Variants in MBD2 observed in about 807,000 individuals in gnomAD.
MBD2 encodes the protein methyl-CpG-binding domain protein 2.
A neutral mutation model predicts 39.3 loss-of-function variants in MBD2; 9 were observed. That is an observed-to-expected ratio of 0.23 (90% CI 0.14 to 0.40). The LOEUF (loss-of-function observed/expected upper bound fraction) is 0.40, where lower values mean the gene tolerates loss of function less well. Among genes scored for constraint, MBD2 ranks in the 10% least tolerant of loss-of-function variants. MBD2 has a pLI of 1.00. For synonymous variants in MBD2, 233 were observed against 211.1 expected (o/e 1.10, Z -0.90); for missense variants, 458 against 532.6 (o/e 0.86, Z 1.38).
chr18:54,159,860 C>G lies in MBD2; in HGVS notation c.1153G>C (p.Glu385Gln). 6.2e-7 allele frequency: 1 copy of G among 1,612,902 alleles called. No homozygotes were observed. Residue 385 changes from glutamate to glutamine, a missense_variant, in exon 6 of 7, where the codon GAA (glutamate) becomes CAA (glutamine). Glu to Gln is a conservative substitution (Grantham distance 29). This residue lies in a region of MBD2 where 189 missense variants were observed against 296.6 expected (regional missense o/e 0.64). Coordinates refer to ENST00000256429, the MANE Select transcript of MBD2 (RefSeq NM_003927.5). Reference protein sequence around the residue: ...RVQQVRKKLEEALMADILSRA... With the variant: ...RVQQVRKKLEQALMADILSRA... ...GACAAGATGTCTGCCATCAGTGCTT[C>G]TTCCAATTTCTTGCGTACTTGCTGT...
intron 2 of MBD2, among the ~76,000 whole-genome samples, chr18:54,200,456 GA>G (rs1328790571): frequency 6.6e-6 from 1 of 152,174 alleles, no homozygotes; most frequent in African/African-American, 2.4e-5. Context: ...CAAGCTGCAT[GA>G]AGTCCCCTAA....
rs975508829 is a variant in MBD2 at position 54,223,793 on chromosome 18, GC to G, written c.542+224del. On this transcript the variant is annotated intron_variant, in intron 1 of 6. Coordinates refer to ENST00000256429, the MANE Select transcript of MBD2 (RefSeq NM_003927.5). The stretch of plus-strand genomic sequence containing the variant: ...TTCTTCGCAAACCATCTTCCCCGAC[GC>G]CTTCCACATAAGATGCCCTCCTGCG... Among the ~76,000 whole-genome samples the G allele has an allele frequency of 3.1e-4, 47 of 152,094 alleles. 1 individual carries two copies. Among genetic ancestry groups the G allele is most frequent in the African/African-American group, 1.1e-3 (46 of 41,488 alleles).
intron 3 of MBD2, among the ~76,000 whole-genome samples, chr18:54,177,523 C>G (rs1267417081): frequency 6.6e-6 from 1 of 152,098 alleles, no homozygotes; most frequent in Non-Finnish European, 1.5e-5. Context: ...CTCTGTCGCC[C>G]TGGCTGGAGT....
At chr18:54,189,725 C>G (rs944532412) in intron 2 of MBD2, among the ~76,000 whole-genome samples, 13 of 152,200 alleles carry the variant, frequency 8.5e-5, no homozygotes, top group East Asian at 5.8e-4. Context: ...TCATGGCTCA[C>G]GGCAGCCTTG....
At chr18:54,207,836 G>A (rs1344718553) in intron 1 of MBD2, among the ~76,000 whole-genome samples, 1 of 151,998 alleles carries the variant, frequency 6.6e-6, no homozygotes, top group African/African-American at 2.4e-5. Flanking sequence ...AGAAGATCGA[G>A]ACCATCCTGG....
intron 1 of MBD2, among the ~76,000 whole-genome samples, chr18:54,208,458 C>T (rs1190674197): frequency 6.6e-6 from 1 of 152,242 alleles, no homozygotes; most frequent in Non-Finnish European, 1.5e-5. Context: ...CGCCACTACA[C>T]TCCAGCCTGG....
intron 3 of MBD2, among the ~76,000 whole-genome samples, chr18:54,175,545 ACTT>A (rs1437474174): frequency 2.0e-5 from 3 of 151,850 alleles, no homozygotes; most frequent in Admixed American, 6.6e-5. Context: ...CTCCCCTGGG[ACTT>A]CTTCTTTTAA....
intron 1 of MBD2, among the ~76,000 whole-genome samples, chr18:54,211,388 T>TACAC (rs113321648): frequency 0.22 from 32,617 of 148,032 alleles, 3,773 homozygotes; most frequent in East Asian, 0.32. Context: ...ATTATTGCTA[T>TACAC]ACACACACAC....
chr18:54,203,539 C>T (rs1225765933), intron 2 of MBD2, among the ~76,000 whole-genome samples: 1 of 152,240 alleles, frequency 6.6e-6, no homozygotes, highest in African/African-American at 2.4e-5. Flanking sequence ...TTAGCCTTCT[C>T]TTTCATTCTG....
At chr18:54,171,414 C>T (rs629824) in intron 3 of MBD2, among the ~76,000 whole-genome samples, 58,204 of 148,752 alleles carry the variant, frequency 0.39, 11,533 homozygotes, top group East Asian at 0.57. Flanking sequence ...AAAGCATGCA[C>T]GTAGTGGGGG....
At chr18:54,215,857 A>T (rs1274456566) in intron 1 of MBD2, among the ~76,000 whole-genome samples, 7 of 149,232 alleles carry the variant, frequency 4.7e-5, no homozygotes, top group Non-Finnish European at 8.9e-5. Context: ...GATGGAGTGC[A>T]ATGGTGCAAT....
chr18:54,212,889 G>T (rs1040968247), intron 1 of MBD2, among the ~76,000 whole-genome samples: 1 of 151,488 alleles, frequency 6.6e-6, no homozygotes, highest in Non-Finnish European at 1.5e-5. Context: ...AAAATTAGCC[G>T]AGCATGGTGG....
intron 2 of MBD2, among the ~76,000 whole-genome samples, chr18:54,190,836 A>G (rs1282468059): frequency 6.6e-6 from 1 of 152,196 alleles, no homozygotes; most frequent in Non-Finnish European, 1.5e-5. Context: ...GTAAAGCCAT[A>G]TAACTTATTT....
chr18:54,164,922 A>G (rs542638757), intron 4 of MBD2, among the ~76,000 whole-genome samples: 16 of 152,342 alleles, frequency 1.1e-4, no homozygotes, highest in African/African-American at 3.8e-4. Flanking sequence ...ATTTTTTCTT[A>G]CTTTAAAAAA....
intron 1 of MBD2, among the ~76,000 whole-genome samples, chr18:54,208,646 A>G (rs2086473379): frequency 6.6e-6 from 1 of 152,248 alleles, no homozygotes; most frequent in Non-Finnish European, 1.5e-5. Context: ...CAAAAAGATA[A>G]GCATACTGTT....
intron 2 of MBD2, among the ~76,000 whole-genome samples, chr18:54,196,118 G>GT (rs2086364496): frequency 6.6e-6 from 1 of 152,100 alleles, no homozygotes; most frequent in South Asian, 2.1e-4. Context: ...GTGGTTTCTA[G>GT]TATATTCACT....
intron 3 of MBD2, among the ~76,000 whole-genome samples, chr18:54,172,144 C>T (rs2086183270): frequency 6.6e-6 from 1 of 152,186 alleles, no homozygotes; most frequent in Admixed American, 6.5e-5. Flanking sequence ...CTGATGCTGC[C>T]TCTTCCTTAG....
chr18:54,206,503 A>C (rs1287982656), intron 1 of MBD2, among the ~76,000 whole-genome samples: 1 of 152,222 alleles, frequency 6.6e-6, no homozygotes, highest in East Asian at 1.9e-4. Context: ...AAAATAACTC[A>C]TAGGAAGATA....
At chr18:54,157,098 A>G (rs960385199) in intron 6 of MBD2, among the ~76,000 whole-genome samples, 2 of 152,118 alleles carry the variant, frequency 1.3e-5, no homozygotes, top group Non-Finnish European at 2.9e-5. Flanking sequence ...AACACACTTC[A>G]GACTTCCCTC....
Sources: allele counts gnomAD v4.1 joint callset (sites outside exome capture counted in the v4.1 genomes callset), GRCh38; gene constraint gnomAD v4.1.1; regional missense constraint gnomAD v4.1.1; transcripts MANE v1.5; gene names NCBI Gene and HGNC (gene_info 2026-07-23, HGNC 2026-07-21).